WDR7: variants seen among roughly 807,000 people sequenced by gnomAD.
The protein encoded by WDR7 is WD repeat-containing protein 7.
In WDR7, 46 loss-of-function variants were observed where a neutral mutation model predicts 169.4. The ratio of observed to expected loss-of-function variants is 0.27; its 90% confidence interval spans 0.21 to 0.35. The LOEUF (loss-of-function observed/expected upper bound fraction) is 0.35, where lower values mean the gene tolerates loss of function less well. Among genes scored for constraint, WDR7 ranks in the 10% least tolerant of loss-of-function variants. WDR7 has a pLI of 1.00. For missense variants in WDR7, 1,534 were observed against 1,859.3 expected, an observed-to-expected ratio of 0.83 and a Z score of 3.22; for synonymous variants, 612 against 666.8, an observed-to-expected ratio of 0.92 and a Z score of 1.27.
chr18:56,801,476 G>T (rs2044671369), intron 19 of WDR7, among the ~76,000 whole-genome samples: 1 of 152,116 alleles, frequency 6.6e-6, no homozygotes. Context: ...TTAAAAATTT[G>T]TATACAATAA....
intron 14 of WDR7, among the ~76,000 whole-genome samples, chr18:56,747,091 T>G (rs1208345884): frequency 6.6e-6 from 1 of 152,318 alleles, no homozygotes; most frequent in East Asian, 1.9e-4. Flanking sequence ...TTCACTAATG[T>G]GGAGTGGATT....
chr18:56,672,721 CTTA>C, intron 2 of WDR7, 47 bp downstream of exon 2: 1 of 1,499,650 alleles, frequency 6.7e-7, no homozygotes, highest in Non-Finnish European at 8.9e-7. Flanking sequence ...TAAAAATCTA[CTTA>C]TTAGAAGATA....
rs1599249409 is a variant in WDR7, at chr18:57,016,229, A to G, written c.4165-4516A>G. Among the ~76,000 whole-genome samples the G allele has an allele frequency of 4.6e-5, 7 of 152,054 alleles. 1 individual carries two copies. The East Asian group carries it at 1.4e-3, about 29-fold the overall frequency. On this transcript the variant is annotated intron_variant, in intron 26 of 27. Transcript: ENST00000254442. Reference sequence around the variant, plus strand: ...GCCGCTTCCCTCTCAGCCCCTCAAGATCTTGGGGGTCATCAAGGTTCAGTC... The same window carrying G: ...GCCGCTTCCCTCTCAGCCCCTCAAGGTCTTGGGGGTCATCAAGGTTCAGTC...
intron 16 of WDR7, among the ~76,000 whole-genome samples, chr18:56,763,141 A>G (rs954244493): frequency 6.6e-6 from 1 of 151,838 alleles, no homozygotes; most frequent in East Asian, 1.9e-4. Flanking sequence ...TTGTATTTTT[A>G]GTAGAGACAG....
At chr18:56,751,922 CT>C (rs1196019388) in intron 14 of WDR7, among the ~76,000 whole-genome samples, 5 of 152,200 alleles carry the variant, frequency 3.3e-5, no homozygotes, top group Admixed American at 3.3e-4. Context: ...ATACTTTTAT[CT>C]TCCCTCATCT....
At chr18:56,937,025 G>T (rs1214429173) in intron 23 of WDR7, among the ~76,000 whole-genome samples, 2 of 152,132 alleles carry the variant, frequency 1.3e-5, no homozygotes, top group Non-Finnish European at 2.9e-5. Flanking sequence ...ATATGCACAG[G>T]TCATAATATT....
chr18:56,803,051 G>A (rs759352625), intron 19 of WDR7, among the ~76,000 whole-genome samples: 23 of 151,908 alleles, frequency 1.5e-4, no homozygotes, highest in Non-Finnish European at 2.2e-4. Context: ...TGTACTTAAT[G>A]TATCTTATTA....
intron 14 of WDR7, among the ~76,000 whole-genome samples, chr18:56,747,832 A>G (rs2043729264): frequency 6.6e-6 from 1 of 152,152 alleles, no homozygotes; most frequent in Non-Finnish European, 1.5e-5. Context: ...CTTAGAATCT[A>G]CACGAGCATG....
At chr18:56,755,113 G>A (rs1172475351) in intron 14 of WDR7, among the ~76,000 whole-genome samples, 1 of 139,446 alleles carries the variant, frequency 7.2e-6, no homozygotes, top group African/African-American at 2.7e-5. Context: ...TTTTTCTTTT[G>A]GCAATAGTAT....
Position 57,024,283 on chromosome 18 carries a change from G to A in WDR7, c.4270-2721G>A, listed in dbSNP as rs9950304. Among the ~76,000 whole-genome samples, 802 of 152,210 alleles carry A rather than the reference G, an allele frequency of 5.3e-3. 7 individuals are homozygous for A. Among genetic ancestry groups the A allele is most frequent in the African/African-American group, 0.018 (763 of 41,560 alleles). Reference sequence around the variant, plus strand: ...CAAGGCTCAAGATGTCCTTACTCGAGCATCGTTTGTATCCAGTCGCTGTTC... The same window carrying A: ...CAAGGCTCAAGATGTCCTTACTCGAACATCGTTTGTATCCAGTCGCTGTTC... On this transcript the variant is annotated intron_variant, in intron 27 of 27. Transcript: ENST00000254442.
chr18:56,909,960 A>G (rs192187852), intron 21 of WDR7, among the ~76,000 whole-genome samples: 2 of 152,256 alleles, frequency 1.3e-5, no homozygotes, highest in East Asian at 3.9e-4. Context: ...CTGAAAAAAG[A>G]TAGCACATAT....
At chr18:56,982,274 A>AG (rs758360950) in intron 26 of WDR7, among the ~76,000 whole-genome samples, 3 of 152,218 alleles carry the variant, frequency 2.0e-5, no homozygotes, top group Non-Finnish European at 4.4e-5. Context: ...CCAGCTTCTG[A>AG]ATATTCTTAA....
chr18:56,712,640 T>A lies in WDR7; in HGVS notation c.1579-5324T>A, dbSNP rs112887362. Among the ~76,000 whole-genome samples, 503 of 152,338 alleles carry A rather than the reference T, an allele frequency of 3.3e-3. 4 individuals are homozygous for A. Among genetic ancestry groups the A allele is most frequent in the African/African-American group, 0.012 (480 of 41,566 alleles). ...TGTAGGGCAGAATGAATACAGTGTT[T>A]GGAACATGAATTTGAATAGCTTTCA... On this transcript the variant is annotated intron_variant, in intron 12 of 27. Transcript: ENST00000254442.
chr18:56,720,730 C>A (rs2026303408), intron 13 of WDR7, among the ~76,000 whole-genome samples: 6 of 152,008 alleles, frequency 3.9e-5, no homozygotes, highest in Admixed American at 3.9e-4. Context: ...GACAAATAGG[C>A]CCTAACTGTA....
At chr18:56,783,100 A>G (rs1248567614) in intron 19 of WDR7, among the ~76,000 whole-genome samples, 1 of 152,070 alleles carries the variant, frequency 6.6e-6, no homozygotes, top group Non-Finnish European at 1.5e-5. Context: ...ATATTTACTT[A>G]GTGAATATAG....
intron 20 of WDR7, among the ~76,000 whole-genome samples, chr18:56,869,845 G>A (rs902610014): frequency 6.6e-6 from 1 of 152,052 alleles, no homozygotes; most frequent in African/African-American, 2.4e-5. Flanking sequence ...TGTAGAAATT[G>A]CAGAGCTCTA....
chr18:56,879,860 G>A (rs1049742757), intron 20 of WDR7, 84 bp from the exon 21 acceptor site: 98 of 1,092,568 alleles, frequency 9.0e-5, no homozygotes, highest in Non-Finnish European at 1.1e-4. Flanking sequence ...CTTTCCGAAC[G>A]TGCAGTCCTG....
intron 20 of WDR7, among the ~76,000 whole-genome samples, chr18:56,840,510 A>G (rs1049707954): frequency 2.6e-5 from 4 of 152,152 alleles, no homozygotes; most frequent in African/African-American, 9.7e-5. Flanking sequence ...AGTGTTAAAT[A>G]TTTTTGAGAA....
At chr18:56,765,962 C>T (rs983818077) in intron 16 of WDR7, among the ~76,000 whole-genome samples, 2 of 151,650 alleles carry the variant, frequency 1.3e-5, no homozygotes, top group African/African-American at 4.8e-5. Context: ...TTTTAGTGAG[C>T]GTCTGCTCTT....
Sources: gnomAD v4.1 joint callset for allele counts (sites outside exome capture counted in the v4.1 genomes callset) on GRCh38, gnomAD v4.1.1 for gene constraint, MANE v1.5 for transcripts, NCBI Gene and HGNC (gene_info 2026-07-23, HGNC 2026-07-21) for gene names.